Variants in NPAS2 observed in about 807,000 individuals in gnomAD.
NPAS2 encodes the protein neuronal PAS domain protein 2, also known as neuronal PAS domain-containing protein 2.
In NPAS2, 23 loss-of-function variants were observed where a neutral mutation model predicts 107.5. The ratio of observed to expected loss-of-function variants is 0.21; its 90% CI spans 0.15 to 0.30. The LOEUF (loss-of-function observed/expected upper bound fraction) is 0.30, where lower values mean the gene tolerates loss of function less well. NPAS2 is among the 10% of genes least tolerant of loss of function. The pLI, the probability that NPAS2 is intolerant of heterozygous loss-of-function variation, is 1.00. For synonymous variants in NPAS2, 403 were observed against 417.5 expected (o/e 0.97, Z 0.42); for missense variants, 756 against 1,043.3 (o/e 0.72, Z 3.79).
intron 1 of NPAS2, among the ~76,000 whole-genome samples, chr2:100,903,333 G>A (rs929191048): frequency 2.0e-5 from 3 of 152,178 alleles, no homozygotes; most frequent in Non-Finnish European, 4.4e-5. Flanking sequence ...ATGTGTTAAC[G>A]CTGACTCAAT....
chr2:100,978,800 G>A (rs1207946611), intron 15 of NPAS2, among the ~76,000 whole-genome samples: 1 of 152,234 alleles, frequency 6.6e-6, no homozygotes, highest in African/African-American at 2.4e-5. Flanking sequence ...GTGGCTTCCT[G>A]GAGGAGGTGA....
intron 7 of NPAS2, among the ~76,000 whole-genome samples, chr2:100,954,886 T>TTTTTTTC (rs1558907593): frequency 3.3e-5 from 5 of 150,486 alleles, no homozygotes; most frequent in Non-Finnish European, 2.9e-5. Flanking sequence ...TGTTTTTTTT[T>TTTTTTTC]GGTTTTTTTG....
chr2:100,946,428 C>T (rs1039239529), intron 5 of NPAS2, among the ~76,000 whole-genome samples: 2 of 152,100 alleles, frequency 1.3e-5, no homozygotes, highest in Non-Finnish European at 2.9e-5. Flanking sequence ...CACAGGGCTT[C>T]GTTAAACACA....
intron 1 of NPAS2, among the ~76,000 whole-genome samples, chr2:100,859,348 G>A (rs1382891525): frequency 1.3e-5 from 2 of 152,174 alleles, no homozygotes; most frequent in African/African-American, 2.4e-5. Context: ...GAGATCTTTT[G>A]TTCAGTCCTT....
chr2:100,990,590 C>T, intron 18 of NPAS2, 144 bp downstream of exon 18: 2 of 1,077,542 alleles, frequency 1.9e-6, no homozygotes, highest in South Asian at 3.0e-5. Context: ...AAGCAGAGGA[C>T]AGGGCTTGGG....
chr2:100,922,880 G>A (rs577091234), intron 2 of NPAS2, among the ~76,000 whole-genome samples: 7 of 152,214 alleles, frequency 4.6e-5, no homozygotes, highest in South Asian at 4.1e-4. Context: ...CATGTTGGTC[G>A]TCATTACACC....
rs1678923677 is a variant in NPAS2, at chr2:100,861,251, T to C, written c.-23+40837T>C. Among the ~76,000 whole-genome samples, 4 of 152,104 alleles carry C rather than the reference T, an allele frequency of 2.6e-5. No homozygotes were observed. In the South Asian group the frequency reaches 8.3e-4, roughly 32 times the overall value. On this transcript the variant is annotated intron_variant, in intron 1 of 20. Coordinates refer to ENST00000335681, the MANE Select transcript of NPAS2 (RefSeq NM_002518.4). ...TGATCTGATTGGCATTTCTAACATA[T>C]TACTGTGTCTACCCTTGAGGAGCAC...
chr2:100,995,404 A>C lies in NPAS2; in HGVS notation c.2297A>C (p.Gln766Pro), dbSNP rs769792961. 1.2e-5 allele frequency: 19 copies of C among 1,611,264 alleles called. No homozygotes were observed. Among genetic ancestry groups the C allele is most frequent in the Non-Finnish European group, 8.5e-7 (1 of 1,178,674 alleles). The change falls in exon 21 of 21, where the codon CAG becomes CCG. Residue 766 changes from glutamine (Q) to proline (P), a missense_variant. Gln to Pro is a moderately conservative substitution (Grantham distance 76). This residue lies in a region of NPAS2 where 496 missense variants were observed against 594.4 expected (regional missense o/e 0.83). Coordinates refer to ENST00000335681, the MANE Select transcript of NPAS2 (RefSeq NM_002518.4). Reference sequence around the variant, plus strand: ...CCTTTGTTCTTTTTTTTCTAGGTACAGGCACCAACCTCTTTGCACAGTGAG... The same window carrying C: ...CCTTTGTTCTTTTTTTTCTAGGTACCGGCACCAACCTCTTTGCACAGTGAG... ...QQPPQHYLQV[Q>P]APTSLHSEQQ...
chr2:100,880,640 T>A (rs1413140995), intron 1 of NPAS2, among the ~76,000 whole-genome samples: 3 of 152,210 alleles, frequency 2.0e-5, no homozygotes, highest in Admixed American at 2.0e-4. Context: ...ACAGGCTGTT[T>A]CTCTGAGGAA....
intron 1 of NPAS2, among the ~76,000 whole-genome samples, chr2:100,889,044 C>T (rs1217045057): frequency 1.3e-5 from 2 of 152,214 alleles, no homozygotes; most frequent in African/African-American, 2.4e-5. Context: ...GGATCTAAAA[C>T]ATCTTTAATA....
chr2:100,904,217 G>A (rs1422765008), intron 1 of NPAS2, among the ~76,000 whole-genome samples: 8 of 152,124 alleles, frequency 5.3e-5, no homozygotes, highest in African/African-American at 1.4e-4. Flanking sequence ...AACAAGGCCC[G>A]CTGTGGTGTC....
intron 1 of NPAS2, among the ~76,000 whole-genome samples, chr2:100,835,240 C>G (rs564555754): frequency 6.6e-6 from 1 of 152,314 alleles, no homozygotes; most frequent in South Asian, 2.1e-4. Context: ...ACAGTCAGAA[C>G]AGGAACTTGA....
intron 2 of NPAS2, among the ~76,000 whole-genome samples, chr2:100,912,539 G>T (rs1258931470): frequency 6.6e-6 from 1 of 152,200 alleles, no homozygotes; most frequent in Non-Finnish European, 1.5e-5. Context: ...GCTTGGCAGG[G>T]AGTGCCTGTT....
chr2:100,926,885 G>T (rs1174642994), intron 3 of NPAS2, among the ~76,000 whole-genome samples: 1 of 150,722 alleles, frequency 6.6e-6, no homozygotes, highest in African/African-American at 2.4e-5. Flanking sequence ...AGGTAATGAA[G>T]ATTTATATCT....
chr2:100,982,116 G>T, intron 15 of NPAS2, 115 bp from the exon 16 acceptor site: 1 of 1,297,782 alleles, frequency 7.7e-7, no homozygotes, highest in Non-Finnish European at 1.1e-6. Context: ...TAGGGATGCT[G>T]GGAAAGACGG....
intron 1 of NPAS2, among the ~76,000 whole-genome samples, chr2:100,883,600 G>A (rs1680511630): frequency 6.6e-6 from 1 of 152,096 alleles, no homozygotes; most frequent in African/African-American, 2.4e-5. Flanking sequence ...AGAATGCTCT[G>A]TCATAACCAG....
chr2:100,820,239 C>T lies in NPAS2; in HGVS notation c.-198C>T, dbSNP rs1453248143. 4 of 142,114 alleles carry T rather than the reference C, an allele frequency of 2.8e-5. No individual in the cohort carries two copies. The highest frequency in any genetic ancestry group is 9.9e-5 in the African/African-American group (4 of 40,604). 8.8% of individuals were successfully genotyped at this position (142,114 alleles called of 1,614,324 possible). On this transcript the variant is annotated 5_prime_UTR_variant, in exon 1 of 21. Transcript: ENST00000335681. The surrounding 1 kb of genome is among the most constrained non-coding windows in gnomAD (Gnocchi z 5.6). ...AGCGGCGGCCGCGGAGCCCGGAGACCCGCAGCCGCGGCGGCGGCGGCGGCG... is the reference window on the plus strand; with the variant it reads ...AGCGGCGGCCGCGGAGCCCGGAGACTCGCAGCCGCGGCGGCGGCGGCGGCG...
intron 11 of NPAS2, among the ~76,000 whole-genome samples, chr2:100,969,831 C>T (rs922266139): frequency 2.6e-5 from 4 of 152,096 alleles, no homozygotes; most frequent in African/African-American, 9.7e-5. Context: ...TGTAAGTGTG[C>T]ACCTAAACGT....
chr2:100,920,610 A>G (rs1231248040), intron 2 of NPAS2, among the ~76,000 whole-genome samples: 3 of 152,202 alleles, frequency 2.0e-5, no homozygotes, highest in African/African-American at 7.2e-5. Context: ...TGACGTGCTC[A>G]TCACAGAGCT....
Sources: gnomAD v4.1 joint callset for allele counts (sites outside exome capture counted in the v4.1 genomes callset) on GRCh38, gnomAD v4.1.1 for gene constraint, gnomAD v4.1.1 regional missense constraint, Gnocchi (gnomAD v3.1) non-coding constraint, MANE v1.5 for transcripts, NCBI Gene and HGNC (gene_info 2026-07-23, HGNC 2026-07-21) for gene names.